The following PDE3A variants were observed in gnomAD, a reference collection of about 807,000 sequenced individuals.
The protein encoded by PDE3A is phosphodiesterase 3A.
Under a neutral mutation model 98.3 loss-of-function variants are expected in PDE3A, and 43 were observed. That is an observed-to-expected ratio of 0.44 (90% CI 0.34 to 0.56). The LOEUF is 0.56. PDE3A is among the 20% of genes least tolerant of loss of function. The pLI, the probability that PDE3A is intolerant of heterozygous loss-of-function variation, is 0.01. For synonymous variants in PDE3A, 663 were observed against 567.9 expected (o/e 1.17, Z -2.38); for missense variants, 1,427 against 1,440.7 (o/e 0.99, Z 0.15).
chr12:20,454,941 A>C (rs1470534446), intron 1 of PDE3A, among the ~76,000 whole-genome samples: 1 of 152,142 alleles, frequency 6.6e-6, no homozygotes, highest in Non-Finnish European at 1.5e-5. Context: ...ATACATGTGC[A>C]TTTGTCTTTA....
chr12:20,668,864 G>T (rs1410371514), intron 15 of PDE3A, among the ~76,000 whole-genome samples: 1 of 151,618 alleles, frequency 6.6e-6, no homozygotes, highest in African/African-American at 2.4e-5. Flanking sequence ...ACTTTGACGA[G>T]CTGAGAGAAG....
intron 1 of PDE3A, among the ~76,000 whole-genome samples, chr12:20,451,845 A>C (rs1223235693): frequency 6.6e-6 from 1 of 152,198 alleles, no homozygotes; most frequent in Non-Finnish European, 1.5e-5. Context: ...ACGTGGTTGC[A>C]GTTGTACATG....
At chr12:20,444,385 T>C (rs970782714) in intron 1 of PDE3A, among the ~76,000 whole-genome samples, 1 of 152,182 alleles carries the variant, frequency 6.6e-6, no homozygotes, top group Non-Finnish European at 1.5e-5. Flanking sequence ...GAGAGCAATG[T>C]CTCTTAAACC....
rs533220844 is a variant in PDE3A at position 20,495,258 on chromosome 12, T to A, written c.961-61402T>A. 7.9e-5 allele frequency among the ~76,000 whole-genome samples: 12 copies of A among 152,082 alleles called. No homozygotes were observed. In the South Asian group the frequency reaches 2.5e-3, roughly 32 times the overall value. On this transcript the variant is annotated intron_variant, in intron 1 of 15. Transcript: ENST00000359062. ...AATACAAGTTCTGTTCATCTAGTTG[T>A]CTGGGCTCTGGCTTGAACCTTTATT...
chr12:20,591,399 TTAA>T (rs893407693), intron 2 of PDE3A, among the ~76,000 whole-genome samples: 2 of 152,216 alleles, frequency 1.3e-5, no homozygotes, highest in Non-Finnish European at 2.9e-5. Flanking sequence ...TGATCTGACT[TTAA>T]TAATACTATT....
At chr12:20,669,704 A>G (rs1387370965) in intron 15 of PDE3A, among the ~76,000 whole-genome samples, 1 of 152,186 alleles carries the variant, frequency 6.6e-6, no homozygotes, top group African/African-American at 2.4e-5. Context: ...AGGAAGCACT[A>G]AACATGGAAA....
intron 13 of PDE3A, 96 bp from the exon 14 acceptor site, chr12:20,650,349 T>A (rs1405749333): frequency 1.8e-5 from 13 of 710,140 alleles, no homozygotes; most frequent in Non-Finnish European, 3.0e-5. Flanking sequence ...GATCCCTATA[T>A]AATATGAAGA....
At chr12:20,676,091 A>G (rs112506881) in intron 15 of PDE3A, among the ~76,000 whole-genome samples, 3,135 of 151,410 alleles carry the variant, frequency 0.021, 92 homozygotes, top group African/African-American at 0.071. Flanking sequence ...ATTGTTTATC[A>G]TTGCAGTTGG....
chr12:20,518,493 A>G (rs1004591286), intron 1 of PDE3A, among the ~76,000 whole-genome samples: 5 of 152,206 alleles, frequency 3.3e-5, no homozygotes, highest in Non-Finnish European at 7.3e-5. Context: ...AACTGAATTC[A>G]AAAAGAAAGC....
chr12:20,633,216 G>A (rs1026724448), intron 6 of PDE3A, among the ~76,000 whole-genome samples: 1 of 152,150 alleles, frequency 6.6e-6, no homozygotes, highest in African/African-American at 2.4e-5. Flanking sequence ...CTCGAAAAGT[G>A]CTGGGATTAC....
At chr12:20,534,123 C>G (rs1043357950) in intron 1 of PDE3A, among the ~76,000 whole-genome samples, 1 of 152,100 alleles carries the variant, frequency 6.6e-6, no homozygotes, top group African/African-American at 2.4e-5. Context: ...AGCCTTTCCT[C>G]GCACTGAGAA....
intron 2 of PDE3A, among the ~76,000 whole-genome samples, chr12:20,607,565 C>A (rs1252038072): frequency 6.6e-6 from 1 of 151,998 alleles, no homozygotes; most frequent in African/African-American, 2.4e-5. Flanking sequence ...ACTGAAATGC[C>A]ACATTTTCTA....
chr12:20,491,201 C>G (rs1242762600), intron 1 of PDE3A, among the ~76,000 whole-genome samples: 2 of 152,172 alleles, frequency 1.3e-5, no homozygotes, highest in Admixed American at 6.5e-5. Context: ...TGCCACAAAA[C>G]CAATACCCAA....
At chr12:20,646,690 C>G in intron 11 of PDE3A, 61 bp from the exon 12 acceptor site, 1 of 1,425,000 alleles carries the variant, frequency 7.0e-7, no homozygotes, top group South Asian at 1.2e-5. Flanking sequence ...AGAAAGAAGT[C>G]AAGACAAATA....
intron 1 of PDE3A, among the ~76,000 whole-genome samples, chr12:20,472,527 C>T (rs1286848136): frequency 1.3e-5 from 2 of 152,086 alleles, no homozygotes; most frequent in African/African-American, 4.8e-5. Flanking sequence ...CTACACTCTT[C>T]AGTTGTTAAA....
intron 1 of PDE3A, among the ~76,000 whole-genome samples, chr12:20,492,989 G>C (rs1300745604): frequency 6.6e-6 from 1 of 152,090 alleles, no homozygotes; most frequent in Non-Finnish European, 1.5e-5. Flanking sequence ...GTAACTCTGT[G>C]CTTTATTTTC....
chr12:20,494,489 C>G (rs1945882778), intron 1 of PDE3A, among the ~76,000 whole-genome samples: 1 of 151,872 alleles, frequency 6.6e-6, no homozygotes, highest in African/African-American at 2.4e-5. Context: ...TGTGTAGGTA[C>G]ATTTCTTAAC....
intron 4 of PDE3A, among the ~76,000 whole-genome samples, chr12:20,618,022 C>T (rs114263667): frequency 0.016 from 2,471 of 152,068 alleles, 66 homozygotes; most frequent in African/African-American, 0.056. Flanking sequence ...CATACAATTC[C>T]ATTCATTCTC....
In PDE3A at chr12:20,369,206, TGTGTGCGC is replaced by T; in HGVS notation, c.-77_-70del. 2.2e-6 allele frequency: 2 copies of T among 891,966 alleles called. No individual in the cohort carries two copies. Among genetic ancestry groups the T allele is most frequent in the Admixed American group, 2.8e-5 (1 of 35,576 alleles). The allele number at this position is 891,966 out of a possible 1,614,324, so 55.3% of individuals were successfully genotyped here. ...GCGTGCGTGCGTGTGTGTGTGTGTGTGTGTGCGCGCGCGCGCGTGGGTCGGGGCGGGGG... is the reference window on the plus strand; with the variant it reads ...GCGTGCGTGCGTGTGTGTGTGTGTGTGCGCGCGCGTGGGTCGGGGCGGGGG... On this transcript the variant is annotated 5_prime_UTR_variant, in exon 1 of 16. Transcript: ENST00000359062.
Sources: allele counts gnomAD v4.1 joint callset (sites outside exome capture counted in the v4.1 genomes callset), GRCh38; gene constraint gnomAD v4.1.1; transcripts MANE v1.5; gene names NCBI Gene and HGNC (gene_info 2026-07-23, HGNC 2026-07-21).